LRP1B: variants seen among roughly 807,000 people sequenced by gnomAD.
The protein encoded by LRP1B is LDL receptor related protein 1B.
LRP1B carries 217 observed loss-of-function variants against 556.6 expected under a neutral mutation model. The observed-to-expected ratio is 0.39, with a 90% CI of 0.35 to 0.44. LRP1B has a LOEUF of 0.44. Among genes scored for constraint, LRP1B ranks in the 20% least tolerant of loss-of-function variants. The probability of loss-of-function intolerance (pLI) is 1.00; values close to 1 mark genes in which losing one functional copy is unlikely to be tolerated. For missense variants in LRP1B, 5,053 were observed against 5,620.8 expected (o/e 0.90, Z 3.23); for synonymous variants, 2,047 against 1,865.8 (o/e 1.10, Z -2.50).
At chr2:140,404,365 G>A (rs543659473) in intron 66 of LRP1B, among the ~76,000 whole-genome samples, 1 of 151,614 alleles carries the variant, frequency 6.6e-6, no homozygotes, top group African/African-American at 2.4e-5. Context: ...GTAGAGACGG[G>A]GTTTCACCAT....
intron 3 of LRP1B, among the ~76,000 whole-genome samples, chr2:141,460,916 G>C (rs1681841955): frequency 6.6e-6 from 1 of 152,018 alleles, no homozygotes; most frequent in Non-Finnish European, 1.5e-5. Context: ...AAGATCTTGG[G>C]TTTGTTGAAT....
chr2:140,292,081 T>A (rs1404727782), intron 84 of LRP1B, among the ~76,000 whole-genome samples: 1 of 152,190 alleles, frequency 6.6e-6, no homozygotes, highest in Non-Finnish European at 1.5e-5. Context: ...CATTTTTTCA[T>A]GTGTCAGTTA....
At chr2:140,282,023 G>C (rs1377063756) in intron 84 of LRP1B, among the ~76,000 whole-genome samples, 1 of 151,538 alleles carries the variant, frequency 6.6e-6, no homozygotes, top group African/African-American at 2.4e-5. Flanking sequence ...AGAATTTGAG[G>C]TACTGGAAGC....
chr2:140,290,308 C>G (rs1683323014), intron 84 of LRP1B, among the ~76,000 whole-genome samples: 2 of 151,960 alleles, frequency 1.3e-5, no homozygotes, highest in African/African-American at 4.8e-5. Flanking sequence ...ATAGCAGATG[C>G]ACTTTGGAGG....
intron 43 of LRP1B, among the ~76,000 whole-genome samples, chr2:140,565,874 C>T (rs1258992271): frequency 6.6e-6 from 1 of 152,052 alleles, no homozygotes; most frequent in Non-Finnish European, 1.5e-5. Flanking sequence ...CAAAAGGATC[C>T]CAGTAGCTCC....
chr2:140,857,129 T>C (rs1464135664), intron 27 of LRP1B, among the ~76,000 whole-genome samples: 1 of 152,124 alleles, frequency 6.6e-6, no homozygotes, highest in African/African-American at 2.4e-5. Context: ...ACACTTTAAA[T>C]CCAAACAACC....
At chr2:141,514,447 G>C (rs1159724891) in intron 2 of LRP1B, among the ~76,000 whole-genome samples, 2 of 152,056 alleles carry the variant, frequency 1.3e-5, no homozygotes, top group African/African-American at 4.8e-5. Flanking sequence ...TTCTGTTATT[G>C]CATGTGTTTT....
At chr2:141,512,874 T>C (rs998399874) in intron 2 of LRP1B, among the ~76,000 whole-genome samples, 3 of 152,098 alleles carry the variant, frequency 2.0e-5, no homozygotes, top group African/African-American at 7.2e-5. Flanking sequence ...TTAAAATCAA[T>C]CCCATACTGT....
chr2:141,204,264 A>T (rs1449573013), intron 6 of LRP1B, among the ~76,000 whole-genome samples: 1 of 152,206 alleles, frequency 6.6e-6, no homozygotes, highest in African/African-American at 2.4e-5. Flanking sequence ...TTTTTCAAGA[A>T]TCAAGTCCAA....
At chr2:141,500,396 T>C (rs1368596140) in intron 2 of LRP1B, among the ~76,000 whole-genome samples, 2 of 152,246 alleles carry the variant, frequency 1.3e-5, no homozygotes, top group Admixed American at 1.3e-4. Context: ...CTTTCTCCTG[T>C]TGATCTGTGT....
At chr2:141,844,638 G>T (rs754745983) in intron 1 of LRP1B, among the ~76,000 whole-genome samples, 17 of 151,956 alleles carry the variant, frequency 1.1e-4, no homozygotes, top group Non-Finnish European at 2.2e-4. Flanking sequence ...ATTACAATGG[G>T]CATGATAAAA....
At chr2:141,737,358 A>T (rs1693516402) in intron 2 of LRP1B, among the ~76,000 whole-genome samples, 1 of 152,142 alleles carries the variant, frequency 6.6e-6, no homozygotes, top group African/African-American at 2.4e-5. Context: ...TCTCAGAAAA[A>T]GCAAACAAAC....
At chr2:140,378,767 A>G (rs1683347203) in intron 67 of LRP1B, among the ~76,000 whole-genome samples, 1 of 152,182 alleles carries the variant, frequency 6.6e-6, no homozygotes, top group South Asian at 2.1e-4. Context: ...TAATTATTCA[A>G]TTTTGTCCCC....
intron 3 of LRP1B, among the ~76,000 whole-genome samples, chr2:141,360,863 T>A (rs1688801139): frequency 6.6e-6 from 1 of 152,168 alleles, no homozygotes; most frequent in African/African-American, 2.4e-5. Context: ...AGCATATAAA[T>A]ATATAGCACA....
In LRP1B at chr2:140,501,726, T is replaced by A; in HGVS notation, c.8811A>T (p.Gly2937=). Residue 2937 remains glycine (G), a synonymous_variant, in exon 55 of 91, where the codon GGA becomes GGT. Transcript: ENST00000389484. ...GAAGGTCTTGACAGTCTTGAGAACATCCACTGACTTTCTTACTCAAACATT... is the reference window on the plus strand; with the variant it reads ...GAAGGTCTTGACAGTCTTGAGAACAACCACTGACTTTCTTACTCAAACATT... ...INECLSKKVS[G]CSQDCQDLPV... is the part of the protein sequence containing the mutation. The A allele has an allele frequency of 1.9e-6, 3 of 1,612,706 alleles. No homozygotes were observed. The highest frequency in any genetic ancestry group is 2.5e-6 in the Non-Finnish European group (3 of 1,179,124).
intron 2 of LRP1B, among the ~76,000 whole-genome samples, chr2:141,711,848 T>G (rs1692371453): frequency 6.6e-6 from 1 of 152,098 alleles, no homozygotes; most frequent in Non-Finnish European, 1.5e-5. Context: ...TTCATGTGAC[T>G]TTCAGCTAAC....
chr2:141,580,263 G>A (rs1307594589), intron 2 of LRP1B, among the ~76,000 whole-genome samples: 1 of 152,096 alleles, frequency 6.6e-6, no homozygotes, highest in East Asian at 1.9e-4. Context: ...AGTAAAGAAA[G>A]ACATGAATAT....
At chr2:141,720,863 T>G (rs912984960) in intron 2 of LRP1B, among the ~76,000 whole-genome samples, 5 of 152,170 alleles carry the variant, frequency 3.3e-5, no homozygotes, top group Non-Finnish European at 5.9e-5. Context: ...AACCATGAGT[T>G]GGAAGAGTAT....
At chr2:140,474,728 T>C (rs1687898681) in intron 60 of LRP1B, among the ~76,000 whole-genome samples, 2 of 151,920 alleles carry the variant, frequency 1.3e-5, no homozygotes, top group South Asian at 2.1e-4. Context: ...GTCATGTACA[T>C]AGCTTAACTG....
Sources: allele counts gnomAD v4.1 joint callset (sites outside exome capture counted in the v4.1 genomes callset), GRCh38; gene constraint gnomAD v4.1.1; transcripts MANE v1.5; gene names NCBI Gene and HGNC (gene_info 2026-07-23, HGNC 2026-07-21).